Variants in CCNY observed in about 807,000 individuals in gnomAD.
The protein encoded by CCNY is cyclin-Y.
A neutral mutation model predicts 42.8 loss-of-function variants in CCNY; 19 were observed. That is an observed-to-expected ratio of 0.44 (90% confidence interval 0.31 to 0.65). The LOEUF is 0.65. Ranked by LOEUF, CCNY falls within the 30% of genes least tolerant of loss-of-function variation. The pLI is 0.07. For synonymous variants in CCNY, 165 were observed against 162.7 expected (o/e 1.01, Z -0.11); for missense variants, 370 against 437.3 (o/e 0.85, Z 1.37).
chr10:35,392,815 T>G (rs775584704), intron 1 of CCNY, among the ~76,000 whole-genome samples: 1 of 152,154 alleles, frequency 6.6e-6, no homozygotes, highest in African/African-American at 2.4e-5. Flanking sequence ...GTTGTGGCCA[T>G]TACAGAGCCT....
chr10:35,339,468 A>T (rs982925454), intron 1 of CCNY, among the ~76,000 whole-genome samples: 16 of 152,202 alleles, frequency 1.1e-4, no homozygotes, highest in Non-Finnish European at 1.9e-4. Flanking sequence ...GTATTTGCTC[A>T]TCTATATCTG....
At chr10:35,426,600 T>C (rs2135272172) in intron 1 of CCNY, among the ~76,000 whole-genome samples, 1 of 152,364 alleles carries the variant, frequency 6.6e-6, no homozygotes, top group South Asian at 2.1e-4. Flanking sequence ...TAATACGTTT[T>C]TAGAATGTTA....
rs555924409 is a variant in CCNY, at chr10:35,304,819, A to C, written c.-9+54193A>C. 8.5e-5 allele frequency among the ~76,000 whole-genome samples: 13 copies of C among 152,290 alleles called. No homozygotes were observed. The South Asian group carries it at 2.7e-3, about 32-fold the overall frequency. On this transcript the variant is annotated intron_variant, in intron 3 of 11. Transcript: ENST00000374706. ...ACCAAAAATGTCTCCTGGGGGCATA[A>C]TTGCCCAGGTTGAGAACCACTAGGG...
chr10:35,267,926 T>G (rs1174399083), intron 3 of CCNY, among the ~76,000 whole-genome samples: 1 of 152,160 alleles, frequency 6.6e-6, no homozygotes, highest in Admixed American at 6.5e-5. Context: ...GTTCTTATCT[T>G]CTTTTTTCCT....
intron 1 of CCNY, among the ~76,000 whole-genome samples, chr10:35,467,973 G>A (rs1839304827): frequency 6.6e-6 from 1 of 152,176 alleles, no homozygotes; most frequent in Non-Finnish European, 1.5e-5. Context: ...TATCTAACCT[G>A]CAGTTTAACT....
chr10:35,545,885 A>C (rs1841104649), intron 7 of CCNY, among the ~76,000 whole-genome samples: 3 of 152,222 alleles, frequency 2.0e-5, no homozygotes, highest in Admixed American at 2.0e-4. Context: ...TCCAAATGTG[A>C]AACTGGCAGA....
chr10:35,261,575 C>T (rs79684718), intron 3 of CCNY, among the ~76,000 whole-genome samples: 1 of 152,216 alleles, frequency 6.6e-6, no homozygotes, highest in African/African-American at 2.4e-5. Flanking sequence ...CTTGGTGGCT[C>T]ATGCCTGTAG....
At chr10:35,287,955 C>A (rs934543903) in intron 3 of CCNY, among the ~76,000 whole-genome samples, 2 of 152,096 alleles carry the variant, frequency 1.3e-5, no homozygotes, top group Non-Finnish European at 2.9e-5. Context: ...TGTGTATTTT[C>A]ACTTTTCTTG....
intron 1 of CCNY, among the ~76,000 whole-genome samples, chr10:35,396,113 T>C (rs995222649): frequency 6.6e-5 from 10 of 152,322 alleles, no homozygotes; most frequent in African/African-American, 2.4e-4. Flanking sequence ...CATGGCGTTT[T>C]GCACATAGCA....
chr10:35,356,406 T>C (rs1836549933), intron 1 of CCNY, among the ~76,000 whole-genome samples: 1 of 152,230 alleles, frequency 6.6e-6, no homozygotes, highest in Non-Finnish European at 1.5e-5. Flanking sequence ...GCAGTGGTTT[T>C]GGGAATTAAC....
At chr10:35,564,515 C>T (rs1458220255) in intron 8 of CCNY, among the ~76,000 whole-genome samples, 2 of 152,156 alleles carry the variant, frequency 1.3e-5, no homozygotes, top group African/African-American at 2.4e-5. Context: ...CCGGGAACAG[C>T]CATAGGGGTC....
chr10:35,271,816 G>C (rs1835172259), intron 3 of CCNY, among the ~76,000 whole-genome samples: 1 of 152,110 alleles, frequency 6.6e-6, no homozygotes. Flanking sequence ...TTAACCTCTG[G>C]CTTACACCCT....
intron 3 of CCNY, among the ~76,000 whole-genome samples, chr10:35,295,514 G>A (rs1004743607): frequency 6.6e-6 from 1 of 152,052 alleles, no homozygotes; most frequent in Admixed American, 6.6e-5. Context: ...TTACAGGCTT[G>A]AGCCACCGCC....
At chr10:35,337,623 AT>A (rs1281365143) in intron 1 of CCNY, among the ~76,000 whole-genome samples, 2 of 152,298 alleles carry the variant, frequency 1.3e-5, no homozygotes, top group East Asian at 3.9e-4. Context: ...AAGTGAGTGG[AT>A]TCCCATTTTG....
chr10:35,447,842 C>T (rs1202506449), intron 1 of CCNY, among the ~76,000 whole-genome samples: 6 of 152,146 alleles, frequency 3.9e-5, no homozygotes, highest in African/African-American at 1.4e-4. Context: ...CTGTAAACCA[C>T]AGATAGTTTG....
intron 3 of CCNY, among the ~76,000 whole-genome samples, chr10:35,284,633 T>C (rs888872667): frequency 6.6e-6 from 1 of 152,080 alleles, no homozygotes; most frequent in African/African-American, 2.4e-5. Flanking sequence ...CTCTGATCCT[T>C]GTTTCCTTCC....
At position 35,569,396 on chromosome 10, in the gene CCNY, C is replaced by G; in HGVS notation, c.*226C>G. 3.7e-6 allele frequency: 2 copies of G among 544,670 alleles called. No homozygotes were observed. The highest frequency in any genetic ancestry group is 4.7e-5 in the South Asian group (2 of 42,820). The allele number at this position is 544,670 out of a possible 1,614,324, so 33.7% of individuals were successfully genotyped here. Reference sequence around the variant, plus strand: ...CCACTGTCAGCAACAGCACTTCCTTCGTGGAGGAAGTGGACTCGAATCCTG... The same window carrying G: ...CCACTGTCAGCAACAGCACTTCCTTGGTGGAGGAAGTGGACTCGAATCCTG... On this transcript the variant is annotated 3_prime_UTR_variant, in exon 10 of 10. Transcript: ENST00000374704.
chr10:35,557,653 G>A (rs1359465062), intron 8 of CCNY, among the ~76,000 whole-genome samples: 4 of 152,176 alleles, frequency 2.6e-5, no homozygotes, highest in Non-Finnish European at 1.5e-5. Flanking sequence ...CTACTCAGGA[G>A]GCTGAGGCAG....
chr10:35,392,742 G>A (rs1837440145), intron 1 of CCNY, among the ~76,000 whole-genome samples: 1 of 152,220 alleles, frequency 6.6e-6, no homozygotes, highest in African/African-American at 2.4e-5. Flanking sequence ...GAGTGGAGAA[G>A]TGACATGACC....
Sources: gnomAD v4.1 joint callset for allele counts (sites outside exome capture counted in the v4.1 genomes callset) on GRCh38, gnomAD v4.1.1 for gene constraint, MANE v1.5 for transcripts, NCBI Gene and HGNC (gene_info 2026-07-23, HGNC 2026-07-21) for gene names.